The following CACNA1E variants were observed in gnomAD, a reference collection of about 807,000 sequenced individuals.
CACNA1E encodes calcium voltage-gated channel subunit alpha1 E, also known as voltage-dependent R-type calcium channel subunit alpha-1E.
A neutral mutation model predicts 259.2 loss-of-function variants in CACNA1E; 40 were observed. That is an observed-to-expected ratio of 0.15 (90% CI 0.12 to 0.20). The LOEUF (loss-of-function observed/expected upper bound fraction) is 0.20. Among genes scored for constraint, CACNA1E ranks in the 10% least tolerant of loss-of-function variants. The pLI, the probability that CACNA1E is intolerant of heterozygous loss-of-function variation, is 1.00. For missense variants in CACNA1E, 1,874 were observed against 3,040.1 expected (o/e 0.62, Z 9.02); for synonymous variants, 1,104 against 1,138.5 (o/e 0.97, Z 0.61).
At chr1:181,481,335 T>TAC (rs113766656), upstream of CACNA1E, among the ~76,000 whole-genome samples, 23,171 of 145,352 alleles carry the variant, frequency 0.16, 1,816 homozygotes, top group Middle Eastern at 0.23. Flanking sequence ...AGAATTTTCC[T>TAC]ACACACACAC....
At chr1:181,342,285 G>C (rs959231390) in intron 1 of CACNA1E, among the ~76,000 whole-genome samples, 1 of 152,108 alleles carries the variant, frequency 6.6e-6, no homozygotes, top group Non-Finnish European at 1.5e-5. Context: ...GCCTTATAAA[G>C]CATTTGGATT....
At chr1:181,367,216 A>G (rs1327545837) in intron 1 of CACNA1E, among the ~76,000 whole-genome samples, 1 of 152,228 alleles carries the variant, frequency 6.6e-6, no homozygotes, top group East Asian at 1.9e-4. Flanking sequence ...GGTTCTTAGC[A>G]AAATTTAGAA....
chr1:181,691,444 T>G (rs1321357512), intron 7 of CACNA1E, among the ~76,000 whole-genome samples: 2 of 152,104 alleles, frequency 1.3e-5, no homozygotes, highest in Non-Finnish European at 1.5e-5. Flanking sequence ...GGCATCACTA[T>G]AGATCCTACA....
chr1:181,533,036 T>A (rs1667899639), intron 3 of CACNA1E, among the ~76,000 whole-genome samples: 1 of 152,128 alleles, frequency 6.6e-6, no homozygotes, highest in Non-Finnish European at 1.5e-5. Context: ...TGTGTCCTGG[T>A]CTTTAGAAGC....
intron 1 of CACNA1E, among the ~76,000 whole-genome samples, chr1:181,323,498 G>T (rs1286064286): frequency 1.3e-5 from 2 of 152,142 alleles, no homozygotes; most frequent in African/African-American, 4.8e-5. Context: ...TAGGATCATT[G>T]ACTGTCATAT....
At chr1:181,435,922 C>T (rs557238511) in intron 2 of CACNA1E, among the ~76,000 whole-genome samples, 1 of 131,096 alleles carries the variant, frequency 7.6e-6, no homozygotes, top group East Asian at 2.0e-4. Flanking sequence ...CATCTGTTAT[C>T]CAAGTGAAGT....
At chr1:181,616,040 T>G (rs1364456679) in intron 6 of CACNA1E, among the ~76,000 whole-genome samples, 3 of 152,354 alleles carry the variant, frequency 2.0e-5, no homozygotes, top group Middle Eastern at 3.4e-3. Flanking sequence ...ACATTGATTT[T>G]TCATTGCAAC....
Position 181,716,035 on chromosome 1 carries a change from T to C in CACNA1E, c.1226-5T>C, listed in dbSNP as rs778202285. On this transcript the variant is annotated splice_polypyrimidine_tract_variant and splice_region_variant and intron_variant, in intron 9 of 47. Transcript: ENST00000367573. ...TCTCACTGGTCTTCCCTTTCCCTGA[T>C]GCAGTGCTTCGAAGGGCAACCATCA... The C allele has an allele frequency of 1.3e-6, 2 of 1,560,214 alleles. No homozygotes were observed. Among genetic ancestry groups the C allele is most frequent in the Non-Finnish European group, 1.7e-6 (2 of 1,151,038 alleles).
chr1:181,573,497 CCT>C (rs984311518), intron 3 of CACNA1E, among the ~76,000 whole-genome samples: 2 of 152,168 alleles, frequency 1.3e-5, no homozygotes, highest in African/African-American at 4.8e-5. Context: ...TCCATTCTTT[CCT>C]CTGTCTCTCT....
At chr1:181,723,000 A>G (rs1305662070) in intron 16 of CACNA1E, among the ~76,000 whole-genome samples, 2 of 152,202 alleles carry the variant, frequency 1.3e-5, no homozygotes, top group African/African-American at 4.8e-5. Flanking sequence ...GAACAGTTCT[A>G]TGTTCCACAA....
At chr1:181,762,502 A>G in intron 32 of CACNA1E, 72 bp from the exon 33 acceptor site, 2 of 872,372 alleles carry the variant, frequency 2.3e-6, no homozygotes, top group South Asian at 2.9e-5. Context: ...AAGTTATATA[A>G]TGAAAGATGT....
chr1:181,770,213 A>T (rs1361120642), intron 35 of CACNA1E, among the ~76,000 whole-genome samples: 1 of 152,150 alleles, frequency 6.6e-6, no homozygotes, highest in African/African-American at 2.4e-5. Context: ...CAGGCTGAAA[A>T]TTGTCTCAAA....
chr1:181,351,144 T>C (rs181795207), intron 1 of CACNA1E, among the ~76,000 whole-genome samples: 2 of 152,280 alleles, frequency 1.3e-5, no homozygotes, highest in Non-Finnish European at 2.9e-5. Context: ...GGATTGCAGA[T>C]AGAGCCAGTG....
chr1:181,570,630 C>A (rs1323425478), intron 3 of CACNA1E, among the ~76,000 whole-genome samples: 3 of 152,244 alleles, frequency 2.0e-5, no homozygotes, highest in Non-Finnish European at 2.9e-5. Context: ...CCTCTCCCAG[C>A]TTCTAGAGCT....
intron 1 of CACNA1E, among the ~76,000 whole-genome samples, chr1:181,408,279 G>A (rs1190608428): frequency 6.6e-6 from 1 of 152,142 alleles, no homozygotes; most frequent in Admixed American, 6.5e-5. Flanking sequence ...AATAGGATGG[G>A]CATGCACCCA....
intron 2 of CACNA1E, among the ~76,000 whole-genome samples, chr1:181,434,956 G>T (rs982250823): frequency 6.6e-6 from 1 of 152,210 alleles, no homozygotes; most frequent in Admixed American, 6.5e-5. Flanking sequence ...ATGTTGATAA[G>T]TGGCTTGATC....
rs1399038157 is a variant in CACNA1E at position 181,485,075 on chromosome 1, G to T, written c.266+1065G>T. On this transcript the variant is annotated intron_variant, in intron 1 of 47. Transcript: ENST00000367573. The surrounding 1 kb of genome is among the most constrained non-coding windows in gnomAD (Gnocchi z 4.2). ...TTGGGGGTGGTGAGGCAGTGAAGGG[G>T]ATTAGTAGGAGGCAAGCTAGTGGTC... 6.6e-6 allele frequency among the ~76,000 whole-genome samples: 1 copy of T among 152,234 alleles called. No individual in the cohort carries two copies. The highest frequency in any genetic ancestry group is 1.9e-4 in the East Asian group (1 of 5,194).
At chr1:181,571,389 G>T (rs1191715318) in intron 3 of CACNA1E, among the ~76,000 whole-genome samples, 1 of 152,150 alleles carries the variant, frequency 6.6e-6, no homozygotes, top group Non-Finnish European at 1.5e-5. Flanking sequence ...AATTGTTTAG[G>T]CAGGGGAGAG....
chr1:181,318,391 G>A (rs1405290335), intron 1 of CACNA1E, among the ~76,000 whole-genome samples: 1 of 152,232 alleles, frequency 6.6e-6, no homozygotes, highest in Non-Finnish European at 1.5e-5. Flanking sequence ...AAACGCCCCC[G>A]CGCTCTTTGG....
Sources: allele counts gnomAD v4.1 joint callset (sites outside exome capture counted in the v4.1 genomes callset), GRCh38; gene constraint gnomAD v4.1.1; non-coding constraint Gnocchi (gnomAD v3.1); transcripts MANE v1.5; gene names NCBI Gene and HGNC (gene_info 2026-07-23, HGNC 2026-07-21).